ALG1: variants seen among roughly 807,000 people sequenced by gnomAD.
ALG1 encodes ALG1 chitobiosyldiphosphodolichol beta-mannosyltransferase.
ALG1 carries 58 observed loss-of-function variants against 55.1 expected under a neutral mutation model. That is an observed-to-expected ratio of 1.05 (90% CI 0.85 to 1.31). ALG1 has a LOEUF of 1.31. ALG1 is among the 50% of genes most tolerant of loss of function. The pLI is 0.00. For missense variants in ALG1, 761 were observed against 598.6 expected, an observed-to-expected ratio of 1.27 and a Z score of -2.83; for synonymous variants, 309 against 247.0, an observed-to-expected ratio of 1.25 and a Z score of -2.35.
chr16:5,083,617 T>C, intron 11 of ALG1, 65 bp from the exon 12 acceptor site: 1 of 1,598,508 alleles, frequency 6.3e-7, no homozygotes, highest in South Asian at 1.1e-5. Context: ...GGAGCCCAGG[T>C]GGGCACCCCA....
At chr16:5,076,641 G>A (rs943445787) in intron 4 of ALG1, among the ~76,000 whole-genome samples, 2 of 152,156 alleles carry the variant, frequency 1.3e-5, no homozygotes, top group East Asian at 1.9e-4. Flanking sequence ...TCTACCCTGC[G>A]ATCAGGGCTC....
intron 9 of ALG1, 131 bp downstream of exon 9, chr16:5,079,938 T>C (rs1333997588): frequency 7.3e-6 from 9 of 1,237,292 alleles, no homozygotes; most frequent in Non-Finnish European, 1.1e-5. Flanking sequence ...TAGGGTCTTA[T>C]ACTGCTTGAC....
chr16:5,080,533 C>T (rs1250593562), intron 9 of ALG1, among the ~76,000 whole-genome samples: 1 of 152,230 alleles, frequency 6.6e-6, no homozygotes, highest in African/African-American at 2.4e-5. Context: ...GCTCTCCTCC[C>T]TCCTCTGGCC....
In ALG1 at chr16:5,085,717, C is replaced by G. The variant is rs1238606278; in HGVS notation, c.*836C>G. 6.2e-7 allele frequency: 1 copy of G among 1,611,690 alleles called. No homozygotes were observed. Among genetic ancestry groups the G allele is most frequent in the East Asian group, 2.2e-5 (1 of 44,880 alleles). The stretch of plus-strand genomic sequence containing the variant: ...CTCATGACGAGGTTCCACTTCCCAT[C>G]TGATCCCGGCCCGGCCTGGAAACAG... On this transcript the variant is annotated 3_prime_UTR_variant, in exon 13 of 13. Transcript: ENST00000262374.
chr16:5,074,520 G>C (rs898635891), intron 3 of ALG1, among the ~76,000 whole-genome samples: 1 of 152,202 alleles, frequency 6.6e-6, no homozygotes, highest in Non-Finnish European at 1.5e-5. Flanking sequence ...TTAGTCTCAT[G>C]TTAATGGATA....
At position 5,078,780 on chromosome 16, in the gene ALG1, C is replaced by T. The variant is rs143906919; in HGVS notation, c.764C>T (p.Thr255Met). The change falls in exon 7 of 13, where the codon ACG (threonine) becomes ATG (methionine). Residue 255 changes from threonine to methionine, a missense_variant. By Grantham distance (81) the Thr-to-Met change is moderately conservative. Coordinates refer to ENST00000262374, the MANE Select transcript of ALG1 (RefSeq NM_019109.5). ...RARSEPEDPV[T>M]ERSAFTERDA... ...AGCTCAGAACCTGAGGACCCAGTCA[C>T]GGAGCGGTCGGCCTTCACGGAGCGG... The T allele has an allele frequency of 3.2e-5, 51 of 1,612,782 alleles. No homozygotes were observed. Among genetic ancestry groups the T allele is most frequent in the African/African-American group, 1.6e-4 (12 of 74,916 alleles).
In ALG1 at chr16:5,073,227, A is replaced by G. The variant is rs149695050; in HGVS notation, c.361A>G (p.Arg121Gly). ...AMYLLWKLMW[R>G]EPGAYIFLQN... ...GTACTTGCTGTGGAAGTTGATGTGGAGGGAGCCAGGTGCCTATATCTTTCT... is the reference window on the plus strand; with the variant it reads ...GTACTTGCTGTGGAAGTTGATGTGGGGGGAGCCAGGTGCCTATATCTTTCT... The change falls in exon 3 of 13, where the codon AGG (arginine) becomes GGG (glycine). Residue 121 changes from arginine (R) to glycine (G), a missense_variant. Physicochemically the swap from Arg to Gly is moderately radical, Grantham distance 125. Transcript: ENST00000262374. The G allele has an allele frequency of 2.5e-6, 4 of 1,614,162 alleles. No homozygotes were observed. In the South Asian group the frequency reaches 3.3e-5, roughly 13 times the overall value.
Position 5,085,721 on chromosome 16 carries a change from TCCCGG to T in ALG1, c.*848_*852del. ...TGACGAGGTTCCACTTCCCATCTGA[TCCCGG>T]CCCGGCCTGGAAACAGAGCACATGT... On this transcript the variant is annotated 3_prime_UTR_variant, in exon 13 of 13. Transcript: ENST00000262374. 1 of 1,611,544 alleles carries T rather than the reference TCCCGG, an allele frequency of 6.2e-7. No homozygotes were observed. Among genetic ancestry groups the T allele is most frequent in the Non-Finnish European group, 8.5e-7 (1 of 1,179,532 alleles).
chr16:5,082,444 T>A, intron 10 of ALG1, 115 bp from the exon 11 acceptor site: 2 of 1,115,302 alleles, frequency 1.8e-6, no homozygotes. Flanking sequence ...TTTGGGGCTG[T>A]TGGGGGCCTT....
In ALG1 at chr16:5,086,514, T is replaced by G. The variant is rs1957178631; in HGVS notation, c.*1633T>G. 6.6e-6 allele frequency: 1 copy of G among 152,024 alleles called. No homozygotes were observed. The highest frequency in any genetic ancestry group is 1.5e-5 in the Non-Finnish European group (1 of 68,006). 9.4% of individuals were successfully genotyped at this position (152,024 alleles called of 1,614,324 possible). A position where few individuals can be genotyped will look rare whatever the true frequency, so the allele number is the denominator to read the frequency against. On this transcript the variant is annotated 3_prime_UTR_variant, in exon 13 of 13. Transcript: ENST00000262374. Reference sequence around the variant, plus strand: ...CCCAGGCTGGAGTGCAGTGGCACAGTCATTGCTCACTACAGCCTCGACTCC... The same window carrying G: ...CCCAGGCTGGAGTGCAGTGGCACAGGCATTGCTCACTACAGCCTCGACTCC...
At position 5,073,224 on chromosome 16, in the gene ALG1, T is replaced by G. The variant is rs1956850705; in HGVS notation, c.358T>G (p.Trp120Gly). ...TATGTACTTGCTGTGGAAGTTGATG[T>G]GGAGGGAGCCAGGTGCCTATATCTT... Reference protein sequence around the residue: ...QAMYLLWKLMWREPGAYIFLQ... With the variant: ...QAMYLLWKLMGREPGAYIFLQ... The change falls in exon 3 of 13, where the codon TGG (tryptophan) becomes GGG (glycine). Residue 120 changes from tryptophan (W) to glycine (G), a missense_variant. Transcript: ENST00000262374. The G allele has an allele frequency of 6.2e-7, 1 of 1,614,112 alleles. No individual in the cohort carries two copies. Among genetic ancestry groups the G allele is most frequent in the Non-Finnish European group, 8.5e-7 (1 of 1,180,054 alleles).
chr16:5,077,870 C>T (rs779255703), intron 5 of ALG1, 37 bp from the exon 6 acceptor site: 38 of 1,593,314 alleles, frequency 2.4e-5, no homozygotes, highest in Non-Finnish European at 3.2e-5. Flanking sequence ...GGCCTTTCTT[C>T]AGCCCTCCCA....
chr16:5,078,020 A>G lies in ALG1; in HGVS notation c.740+3A>G. 2 of 1,598,110 alleles carry G rather than the reference A, an allele frequency of 1.3e-6. No individual in the cohort carries two copies. Among genetic ancestry groups the G allele is most frequent in the South Asian group, 2.2e-5 (2 of 90,988 alleles). On this transcript the variant is annotated splice_donor_region_variant and intron_variant, in intron 6 of 12. Coordinates refer to ENST00000262374, the MANE Select transcript of ALG1 (RefSeq NM_019109.5). ...ATGCACTCTCCGTTCAGGGCCCGGT[A>G]GGCCTCCCATCCTCAGCTGCCTTCT... is the stretch of plus-strand genomic sequence containing the variant.
At position 5,086,066 on chromosome 16, in the gene ALG1, T is replaced by A. The variant is rs760492544; in HGVS notation, c.*1185T>A. 1.3e-5 allele frequency among the ~76,000 whole-genome samples: 2 copies of A among 152,222 alleles called. No individual in the cohort carries two copies. Among genetic ancestry groups the A allele is most frequent in the African/African-American group, 4.8e-5 (2 of 41,472 alleles). On this transcript the variant is annotated 3_prime_UTR_variant, in exon 13 of 13. Transcript: ENST00000262374. ...AAGCTTAGAAAGCGGCCGGGCACAG[T>A]GGCTCATGCCTGTAATCCCAACACT...
At chr16:5,072,110 G>A (rs563230070) in intron 1 of ALG1, 53 bp downstream of exon 1, 5 of 1,550,278 alleles carry the variant, frequency 3.2e-6, no homozygotes, top group Non-Finnish European at 4.4e-6. Context: ...GTTGATCCTC[G>A]GTTCTAACCG....
At chr16:5,072,175 C>T (rs575969860) in intron 1 of ALG1, 118 bp downstream of exon 1, 1 of 1,495,144 alleles carries the variant, frequency 6.7e-7, no homozygotes, top group East Asian at 2.6e-5. Flanking sequence ...GGGCAGCTCT[C>T]CGAGATTAGA....
intron 4 of ALG1, among the ~76,000 whole-genome samples, chr16:5,076,252 C>T (rs138839778): frequency 2.0e-3 from 306 of 152,374 alleles, no homozygotes; most frequent in Non-Finnish European, 3.5e-3. Flanking sequence ...CGTGTACTTC[C>T]GGCCTTGGGC....
intron 11 of ALG1, 38 bp downstream of exon 11, chr16:5,082,711 G>A: frequency 6.2e-7 from 1 of 1,607,472 alleles, no homozygotes; most frequent in Middle Eastern, 2.3e-4. Flanking sequence ...GGATAGCTTT[G>A]CAGATCCACC....
intron 12 of ALG1, among the ~76,000 whole-genome samples, 171 bp downstream of exon 12, chr16:5,083,928 C>A (rs535619496): frequency 6.6e-6 from 1 of 152,198 alleles, no homozygotes; most frequent in Admixed American, 6.5e-5. Context: ...TGTCCCGTTT[C>A]GGTACAGTAG....
Sources: allele counts gnomAD v4.1 joint callset (sites outside exome capture counted in the v4.1 genomes callset), GRCh38; gene constraint gnomAD v4.1.1; transcripts MANE v1.5; gene names NCBI Gene and HGNC (gene_info 2026-07-23, HGNC 2026-07-21).